Variants in UNC79 observed in about 807,000 individuals in gnomAD.
The protein encoded by UNC79 is unc-79 subunit of NALCN channel complex.
A neutral mutation model predicts 283.1 loss-of-function variants in UNC79; 37 were observed. That is an observed-to-expected ratio of 0.13 (90% CI 0.10 to 0.17). The LOEUF (loss-of-function observed/expected upper bound fraction) is 0.17, where lower values mean the gene tolerates loss of function less well. Ranked by LOEUF, UNC79 falls within the 10% of genes least tolerant of loss-of-function variation. The probability of loss-of-function intolerance (pLI) is 1.00; values close to 1 mark genes in which losing one functional copy is unlikely to be tolerated. For missense variants in UNC79, 2,272 were observed against 3,211.1 expected, an observed-to-expected ratio of 0.71 and a Z score of 7.07; for synonymous variants, 1,107 against 1,200.2, an observed-to-expected ratio of 0.92 and a Z score of 1.61.
chr14:93,573,005 A>T (rs1210667933), intron 16 of UNC79, among the ~76,000 whole-genome samples, 189 bp downstream of exon 16: 1 of 152,248 alleles, frequency 6.6e-6, no homozygotes, highest in Non-Finnish European at 1.5e-5. Context: ...TGTGGTTAAT[A>T]ACATATAAAT....
chr14:93,403,283 C>T (rs1038591371), intron 1 of UNC79, among the ~76,000 whole-genome samples: 1 of 152,220 alleles, frequency 6.6e-6, no homozygotes, highest in Admixed American at 6.5e-5. Context: ...CTTTGTCCTG[C>T]AGCTGTGAAG....
rs2054621521 is a variant in UNC79 at position 93,379,459 on chromosome 14, T to C, written c.-351+45936T>C. ...TTGGCCATAAATATTAAAGGTTTCA[T>C]GACTTTAAGCCCAAGTATCACCTTA... On this transcript the variant is annotated intron_variant, in intron 1 of 49. Transcript: ENST00000256339. Among the ~76,000 whole-genome samples, 3 of 152,308 alleles carry C rather than the reference T, an allele frequency of 2.0e-5. No homozygotes were observed. The South Asian group carries it at 6.2e-4, about 32-fold the overall frequency.
chr14:93,688,688 G>A lies in UNC79; in HGVS notation c.6933G>A (p.Gln2311=). 2 of 1,613,874 alleles carry A rather than the reference G, an allele frequency of 1.2e-6. No homozygotes were observed. The highest frequency in any genetic ancestry group is 3.3e-4 in the Middle Eastern group (2 of 6,060). Reference sequence around the variant, plus strand: ...AGAGCCACATGAAGACATGTTCCCAGCCTCTGCATGAAGATACCTTTGGGG... The same window carrying A: ...AGAGCCACATGAAGACATGTTCCCAACCTCTGCATGAAGATACCTTTGGGG... The change falls in exon 44 of 49, where the codon CAG becomes CAA. Residue 2311 remains glutamine, a synonymous_variant. Coordinates refer to ENST00000555664, the Ensembl canonical transcript of UNC79. The surrounding 1 kb of genome is among the most constrained non-coding windows in gnomAD (Gnocchi z 4.0).
intron 1 of UNC79, among the ~76,000 whole-genome samples, chr14:93,447,688 T>C (rs1357023262): frequency 6.6e-6 from 1 of 152,130 alleles, no homozygotes; most frequent in Non-Finnish European, 1.5e-5. Flanking sequence ...ACCAAATGTT[T>C]TAGATTTCTT....
intron 1 of UNC79, among the ~76,000 whole-genome samples, chr14:93,438,359 C>T (rs1465017187): frequency 3.3e-5 from 5 of 152,110 alleles, no homozygotes; most frequent in Non-Finnish European, 5.9e-5. Context: ...AAGCACTGTG[C>T]TAGGCTCTAG....
chr14:93,399,122 A>G (rs913035488), intron 1 of UNC79, among the ~76,000 whole-genome samples: 1 of 152,136 alleles, frequency 6.6e-6, no homozygotes, highest in Non-Finnish European at 1.5e-5. Context: ...CACTTATAAA[A>G]TCATCAGATC....
chr14:93,449,939 AT>A (rs2056585011), intron 1 of UNC79, among the ~76,000 whole-genome samples: 1 of 152,198 alleles, frequency 6.6e-6, no homozygotes, highest in Non-Finnish European at 1.5e-5. Context: ...GTACGTTATT[AT>A]TACTTTTGAA....
chr14:93,588,824 A>G (rs958082724), intron 22 of UNC79, among the ~76,000 whole-genome samples: 1 of 151,710 alleles, frequency 6.6e-6, no homozygotes, highest in East Asian at 1.9e-4. Context: ...GAAAGAAAAC[A>G]GTTAGTGGGT....
chr14:93,383,605 G>A lies in UNC79; in HGVS notation c.-351+50082G>A, dbSNP rs138665605. ...AATGATCATATGAACCTACAGCAAG[G>A]TGTACTCTCTGCTGGTGTTGCCTTG... On this transcript the variant is annotated intron_variant, in intron 1 of 49. Coordinates refer to the UNC79 transcript ENST00000256339. Among the ~76,000 whole-genome samples, 812 of 152,252 alleles carry A rather than the reference G, an allele frequency of 5.3e-3. 5 individuals are homozygous for A. The highest frequency in any genetic ancestry group is 8.5e-3 in the Non-Finnish European group (581 of 68,022).
At chr14:93,351,699 GAGAGAGATT>G (rs2053982901) in intron 1 of UNC79, among the ~76,000 whole-genome samples, 1 of 152,316 alleles carries the variant, frequency 6.6e-6, no homozygotes, top group African/African-American at 2.4e-5. Flanking sequence ...TATGGAGAGA[GAGAGAGATT>G]GGTTTATTTT....
At chr14:93,361,227 A>G (rs1353014315) in intron 1 of UNC79, among the ~76,000 whole-genome samples, 1 of 143,758 alleles carries the variant, frequency 7.0e-6, no homozygotes, top group African/African-American at 2.6e-5. Flanking sequence ...AAAAAAAAAA[A>G]AAAAAAAAAG....
intron 1 of UNC79, among the ~76,000 whole-genome samples, chr14:93,407,845 G>C (rs754800421): frequency 6.6e-6 from 1 of 152,022 alleles, no homozygotes; most frequent in Admixed American, 6.6e-5. Context: ...GATGAAAGAC[G>C]CAGACGATTT....
exon 39 of UNC79, chr14:93,659,231 C>A: frequency 6.2e-7 from 1 of 1,611,662 alleles, no homozygotes; most frequent in African/African-American, 1.3e-5. Flanking sequence ...TGATTTGCCT[C>A]TTGAAGATCC....
intron 1 of UNC79, among the ~76,000 whole-genome samples, chr14:93,417,223 A>G (rs2140061753): frequency 6.6e-6 from 1 of 151,870 alleles, no homozygotes; most frequent in Admixed American, 6.6e-5. Flanking sequence ...CCTGGTGGTG[A>G]CAAAATCTCT....
At chr14:93,560,788 A>T (rs969525634) in intron 14 of UNC79, among the ~76,000 whole-genome samples, 1 of 152,156 alleles carries the variant, frequency 6.6e-6, no homozygotes, top group Non-Finnish European at 1.5e-5. Context: ...CAAAGTAAAA[A>T]GATGAGAAGG....
In UNC79 at chr14:93,581,788, G is replaced by A. The variant is rs554177907; in HGVS notation, c.2662-415G>A. ...ATTATAGGCATGAGCCACCATGCCC[G>A]GCCATTTGCATCTTAATATAGCTTT... On this transcript the variant is annotated intron_variant, in intron 19 of 48. Transcript: ENST00000555664. Among the ~76,000 whole-genome samples, 128 of 152,162 alleles carry A rather than the reference G, an allele frequency of 8.4e-4. 1 individual carries two copies. Among genetic ancestry groups the A allele is most frequent in the African/African-American group, 2.8e-3 (118 of 41,544 alleles).
intron 47 of UNC79, among the ~76,000 whole-genome samples, chr14:93,699,020 G>A (rs2075349743): frequency 6.6e-6 from 1 of 152,046 alleles, no homozygotes; most frequent in East Asian, 1.9e-4. Context: ...ACTAATGATA[G>A]GATGGTACAT....
chr14:93,340,239 G>A (rs544607925), intron 1 of UNC79, among the ~76,000 whole-genome samples: 4 of 152,238 alleles, frequency 2.6e-5, no homozygotes, highest in South Asian at 2.1e-4. Context: ...TCAGGAGATC[G>A]AGACCATCCT....
intron 22 of UNC79, among the ~76,000 whole-genome samples, chr14:93,587,383 G>A (rs930596039): frequency 3.7e-4 from 56 of 152,182 alleles, no homozygotes; most frequent in Admixed American, 8.5e-4. Flanking sequence ...GATTTACAGC[G>A]TTTTTCCTCC....
Sources: allele counts gnomAD v4.1 joint callset (sites outside exome capture counted in the v4.1 genomes callset), GRCh38; gene constraint gnomAD v4.1.1; non-coding constraint Gnocchi (gnomAD v3.1); transcripts MANE v1.5; gene names NCBI Gene and HGNC (gene_info 2026-07-23, HGNC 2026-07-21).